The following CDH23 variants were observed in gnomAD, a reference collection of about 807,000 sequenced individuals.
CDH23 encodes the protein cadherin related 23, also known as cadherin-23.
CDH23 carries 189 observed loss-of-function variants against 317.1 expected under a neutral mutation model. The observed-to-expected ratio is 0.60, with a 90% CI of 0.53 to 0.67. The LOEUF (loss-of-function observed/expected upper bound fraction) is 0.67. CDH23 is among the 30% of genes least tolerant of loss of function. The probability of loss-of-function intolerance (pLI) is 0.00; values close to 1 mark genes in which losing one functional copy is unlikely to be tolerated. For missense variants in CDH23, 4,401 were observed against 4,592.4 expected (o/e 0.96, Z 1.20); for synonymous variants, 1,839 against 1,876.8 (o/e 0.98, Z 0.52).
At chr10:71,497,685 C>T (rs562983791) in intron 3 of CDH23, among the ~76,000 whole-genome samples, 49 of 152,220 alleles carry the variant, frequency 3.2e-4, no homozygotes, top group Non-Finnish European at 6.2e-4. Flanking sequence ...GCCTTAATAT[C>T]GTAGATATCT....
intron 38 of CDH23, among the ~76,000 whole-genome samples, chr10:71,759,488 CAG>C (rs767307002): frequency 6.6e-6 from 1 of 150,606 alleles, no homozygotes; most frequent in African/African-American, 2.4e-5. Context: ...GCCTGAGTGA[CAG>C]AGAGAGAGTC....
intron 3 of CDH23, among the ~76,000 whole-genome samples, chr10:71,493,445 C>T (rs1042789195): frequency 2.0e-5 from 3 of 152,120 alleles, no homozygotes; most frequent in African/African-American, 7.2e-5. Context: ...CTCATCTGTC[C>T]GTCTGTCCAT....
chr10:71,769,376 A>G (rs1434547629), intron 38 of CDH23, among the ~76,000 whole-genome samples: 1 of 152,144 alleles, frequency 6.6e-6, no homozygotes, highest in Non-Finnish European at 1.5e-5. Context: ...ACGTTCTTTT[A>G]TGGTTTTGTT....
At chr10:71,425,366 A>G (rs1030380377) in intron 1 of CDH23, among the ~76,000 whole-genome samples, 3 of 146,174 alleles carry the variant, frequency 2.1e-5, no homozygotes, top group Non-Finnish European at 4.5e-5. Context: ...AGAGAAAGAG[A>G]GAGGAGAAGG....
rs775838137 is a variant in CDH23, at chr10:71,740,847, C to T, written c.4514C>T (p.Pro1505Leu). The stretch of plus-strand genomic sequence containing the variant: ...GTTGTGGCTTCTGACCGAGGCACCC[C>T]TCCACGGAAGAAGGACCACATCCTG... ...LQVVASDRGT[P>L]PRKKDHILQV... The change falls in exon 37 of 70, where the codon CCT becomes CTT. Residue 1505 changes from proline to leucine, a missense_variant. Pro to Leu is a moderately conservative substitution (Grantham distance 98, BLOSUM62 -3). This residue lies in a region of CDH23 where 3,068 missense variants were observed against 3,203.3 expected (regional missense o/e 0.96). Transcript: ENST00000224721. 6.2e-7 allele frequency: 1 copy of T among 1,613,846 alleles called. No homozygotes were observed. Among genetic ancestry groups the T allele is most frequent in the East Asian group, 2.2e-5 (1 of 44,882 alleles).
Position 71,791,245 on chromosome 10 carries a change from C to T in CDH23, c.6163C>T (p.Leu2055=), listed in dbSNP as rs536022792. 4.0e-5 allele frequency: 64 copies of T among 1,613,688 alleles called. No homozygotes were observed. In the East Asian group the frequency reaches 1.3e-3, roughly 33 times the overall value. Reference sequence around the variant, plus strand: ...CGGGCTGCTCAACAGCACGGCCCACCTGCTCATCACCATCCTGGATGACAA... The same window carrying T: ...CGGGCTGCTCAACAGCACGGCCCACTTGCTCATCACCATCCTGGATGACAA... ...DIGLLNSTAH[L]LITILDDNDN... is the part of the protein sequence containing the mutation. Residue 2055 remains leucine (L), a synonymous_variant, in exon 47 of 70, where the codon CTG becomes TTG. Coordinates refer to ENST00000224721, the MANE Select transcript of CDH23 (RefSeq NM_022124.6).
chr10:71,667,068 C>T (rs1014021148), intron 14 of CDH23, among the ~76,000 whole-genome samples: 4 of 152,240 alleles, frequency 2.6e-5, no homozygotes. Context: ...AGCAGAACTC[C>T]TCACCGGCAC....
chr10:71,682,617 T>C (rs1303190320), intron 18 of CDH23, 45 bp downstream of exon 18: 2 of 1,604,094 alleles, frequency 1.2e-6, no homozygotes, highest in Middle Eastern at 1.7e-4. Context: ...GTGTAAGGGA[T>C]GGTGAGTGCT....
At chr10:71,769,849 C>CAG in intron 38 of CDH23, among the ~76,000 whole-genome samples, 1 of 152,298 alleles carries the variant, frequency 6.6e-6, no homozygotes. Flanking sequence ...TGGTGATGGC[C>CAG]AGCCAAAGTG....
chr10:71,493,866 G>A (rs943538793), intron 3 of CDH23, among the ~76,000 whole-genome samples: 9 of 151,904 alleles, frequency 5.9e-5, no homozygotes, highest in South Asian at 2.1e-4. Flanking sequence ...TTATAATAGC[G>A]TGCATAGAAT....
intron 1 of CDH23, among the ~76,000 whole-genome samples, chr10:71,430,979 A>C (rs1216658442): frequency 6.6e-6 from 1 of 152,194 alleles, no homozygotes; most frequent in East Asian, 1.9e-4. Context: ...GTCGGATAGC[A>C]TGAGTACCAC....
chr10:71,734,442 C>T, intron 33 of CDH23, 101 bp downstream of exon 33: 2 of 1,476,754 alleles, frequency 1.4e-6, no homozygotes, highest in Admixed American at 3.9e-5. Flanking sequence ...ATGGGCCAGG[C>T]AGCGGGCGAG....
chr10:71,432,135 G>T (rs1220298672), intron 1 of CDH23, among the ~76,000 whole-genome samples: 6 of 152,170 alleles, frequency 3.9e-5, no homozygotes, highest in Non-Finnish European at 5.9e-5. Flanking sequence ...CTCCAGGGTT[G>T]TGCAGTGGGG....
intron 18 of CDH23, among the ~76,000 whole-genome samples, chr10:71,683,518 G>A (rs1272581687): frequency 6.6e-6 from 1 of 152,176 alleles, no homozygotes; most frequent in Non-Finnish European, 1.5e-5. Flanking sequence ...GCTTCCAAGC[G>A]GAAAGGCCAT....
intron 6 of CDH23, among the ~76,000 whole-genome samples, chr10:71,532,977 T>C (rs1038761181): frequency 2.0e-5 from 3 of 152,114 alleles, no homozygotes; most frequent in Non-Finnish European, 4.4e-5. Flanking sequence ...AGTGATCCAC[T>C]CGCCTTGCCC....
intron 38 of CDH23, among the ~76,000 whole-genome samples, chr10:71,763,502 C>T (rs912852340): frequency 1.3e-5 from 2 of 152,186 alleles, no homozygotes; most frequent in African/African-American, 4.8e-5. Flanking sequence ...CCAGGACCCT[C>T]GGCGGCAGGC....
chr10:71,704,231 T>C (rs1180017643), intron 24 of CDH23, among the ~76,000 whole-genome samples: 1 of 152,170 alleles, frequency 6.6e-6, no homozygotes, highest in African/African-American at 2.4e-5. Context: ...TCTTATTTTA[T>C]TTATTATTAC....
intron 3 of CDH23, among the ~76,000 whole-genome samples, chr10:71,449,767 C>T (rs960570792): frequency 6.6e-6 from 1 of 152,196 alleles, no homozygotes; most frequent in Non-Finnish European, 1.5e-5. Context: ...TGAGCCTTCT[C>T]GTTTTGTATG....
chr10:71,549,878 G>A (rs561144517), intron 6 of CDH23, among the ~76,000 whole-genome samples: 1 of 152,278 alleles, frequency 6.6e-6, no homozygotes, highest in South Asian at 2.1e-4. Flanking sequence ...GGCGGGGTCG[G>A]GGAGGTTCCT....
Sources: allele counts gnomAD v4.1 joint callset (sites outside exome capture counted in the v4.1 genomes callset), GRCh38; gene constraint gnomAD v4.1.1; regional missense constraint gnomAD v4.1.1; transcripts MANE v1.5; gene names NCBI Gene and HGNC (gene_info 2026-07-23, HGNC 2026-07-21).